IPO9: variants seen among roughly 807,000 people sequenced by gnomAD.
IPO9 encodes importin 9, also known as importin-9.
IPO9 carries 28 observed loss-of-function variants against 128.6 expected under a neutral mutation model. That is an observed-to-expected ratio of 0.22 (90% CI 0.16 to 0.30). The LOEUF is 0.30. IPO9 is among the 10% of genes least tolerant of loss of function. IPO9 has a pLI of 1.00. For synonymous variants in IPO9, 455 were observed against 475.8 expected, an observed-to-expected ratio of 0.96 and a Z score of 0.57; for missense variants, 935 against 1,293.9, an observed-to-expected ratio of 0.72 and a Z score of 4.26.
At chr1:201,858,667 CAG>C (rs1447805695) in intron 12 of IPO9, 114 bp downstream of exon 12, 11 of 823,428 alleles carry the variant, frequency 1.3e-5, no homozygotes, top group African/African-American at 5.2e-5. Flanking sequence ...AATTTAATAA[CAG>C]ATTTTAATCT....
Position 201,870,742 on chromosome 1 carries a change from C to T in IPO9, c.2293C>T (p.Arg765Cys). The T allele has an allele frequency of 6.2e-7, 1 of 1,614,164 alleles. No individual in the cohort carries two copies. Among genetic ancestry groups the T allele is most frequent in the Non-Finnish European group, 8.5e-7 (1 of 1,180,034 alleles). ...AGAGTTCACTGCGGCCTTTGTGGGC[C>T]GCCTTGTTTCCACCCTCATCTCCAA... is the stretch of plus-strand genomic sequence containing the variant. ...TSEFTAAFVG[R>C]LVSTLISKAG... is the part of the protein sequence containing the mutation. The change falls in exon 18 of 24, where the codon CGC (arginine) becomes TGC (cysteine). Residue 765 changes from arginine to cysteine, a missense_variant. By Grantham distance (180) the Arg-to-Cys change is radical. Transcript: ENST00000361565. The surrounding 1 kb of genome is among the most constrained non-coding windows in gnomAD (Gnocchi z 4.9).
In IPO9 at chr1:201,859,180, AATATAT is replaced by A. The variant is rs148348918; in HGVS notation, c.1468+208_1468+213del. On this transcript the variant is annotated intron_variant, in intron 13 of 23. Transcript: ENST00000361565. ...ACATGTACCCTAGAACTCAAAGTAT[AATATAT>A]ATATATATATATATATATATAAAGG... Among the ~76,000 whole-genome samples the A allele has an allele frequency of 7.2e-5, 6 of 83,454 alleles. 2 individuals carry two copies. The highest frequency in any genetic ancestry group is 2.4e-4 in the African/African-American group (6 of 25,010). The allele number at this position is 83,454 out of a possible 152,430, so 54.7% of individuals were successfully genotyped here.
rs766384550 is a variant in IPO9 at position 201,868,796 on chromosome 1, G to A, written c.2004G>A (p.Ala668=). 1.4e-5 allele frequency: 22 copies of A among 1,587,250 alleles called. 1 individual carries two copies. The highest frequency in any genetic ancestry group is 5.8e-5 in the African/African-American group (4 of 68,384). Residue 668 remains alanine, a splice_region_variant and synonymous_variant, in exon 16 of 24, where the codon GCG becomes GCA. Transcript: ENST00000361565. ...ACAAGATTCCTGCAGGGCTTTGTGC[G>A]GTAAGTGGCCGTGTGTGTGTGTGTG... ...PADKIPAGLC[A]TAIDILTTVV... is the part of the protein sequence containing the mutation.
chr1:201,875,013 G>A, intron 22 of IPO9, 77 bp downstream of exon 22: 1 of 1,369,742 alleles, frequency 7.3e-7, no homozygotes. Context: ...GGGTACCCAA[G>A]AAAGGGGAGA....
chr1:201,876,954 A>G lies in IPO9; in HGVS notation c.*900A>G, dbSNP rs1013138185. 3 of 152,652 alleles carry G rather than the reference A, an allele frequency of 2.0e-5. No homozygotes were observed. Among genetic ancestry groups the G allele is most frequent in the Non-Finnish European group, 4.4e-5 (3 of 68,042 alleles). 9.5% of individuals were successfully genotyped at this position (152,652 alleles called of 1,614,324 possible). ...TTTCTAGGACAGTAAAGTAATCTTT[A>G]CAAATGAATTTAGTTGCATGGTATA... On this transcript the variant is annotated 3_prime_UTR_variant, in exon 24 of 24. Coordinates refer to ENST00000361565, the MANE Select transcript of IPO9 (RefSeq NM_018085.5).
At chr1:201,875,839 G>A in intron 23 of IPO9, 105 bp from the exon 24 acceptor site, 2 of 740,766 alleles carry the variant, frequency 2.7e-6, no homozygotes, top group Non-Finnish European at 2.4e-6. Context: ...GCTGGCATTT[G>A]TCTAAAAACC....
intron 1 of IPO9, among the ~76,000 whole-genome samples, chr1:201,836,193 T>A (rs1393403687): frequency 6.7e-6 from 1 of 149,198 alleles, no homozygotes. Flanking sequence ...ACACACGTAC[T>A]TTTTTTTTAA....
chr1:201,865,298 T>C (rs570368640), intron 14 of IPO9, among the ~76,000 whole-genome samples: 17 of 149,066 alleles, frequency 1.1e-4, no homozygotes, highest in Non-Finnish European at 1.8e-4. Context: ...AACCTCTGCC[T>C]CCTGGGTTCA....
At chr1:201,840,116 G>GT (rs1680009668) in intron 1 of IPO9, among the ~76,000 whole-genome samples, 1 of 152,130 alleles carries the variant, frequency 6.6e-6, no homozygotes, top group South Asian at 2.1e-4. Flanking sequence ...TTGAGACAGC[G>GT]TGTCACTCTG....
At chr1:201,835,999 C>G (rs1312206391) in intron 1 of IPO9, among the ~76,000 whole-genome samples, 1 of 151,304 alleles carries the variant, frequency 6.6e-6, no homozygotes, top group Non-Finnish European at 1.5e-5. Flanking sequence ...GTAGTCCCAG[C>G]TATTCTGGAG....
At position 201,834,677 on chromosome 1, in the gene IPO9, T is replaced by C. The variant is rs533458566; in HGVS notation, c.163+5305T>C. ...TAGGACATTTTCTTCTTTGCTTATT[T>C]CTTTTTTGCCTATTACAAATGATGA... On this transcript the variant is annotated intron_variant, in intron 1 of 23. Coordinates refer to ENST00000361565, the MANE Select transcript of IPO9 (RefSeq NM_018085.5). Among the ~76,000 whole-genome samples, 12 of 152,340 alleles carry C rather than the reference T, an allele frequency of 7.9e-5. No individual in the cohort carries two copies. In the South Asian group the frequency reaches 2.5e-3, roughly 32 times the overall value.
intron 15 of IPO9, among the ~76,000 whole-genome samples, chr1:201,868,118 C>T (rs748086770): frequency 4.6e-5 from 7 of 152,142 alleles, no homozygotes; most frequent in Non-Finnish European, 8.8e-5. Flanking sequence ...GAAGATTGAG[C>T]TAAAGTTCCC....
Position 201,879,807 on chromosome 1 carries a change from G to A in IPO9, c.*3753G>A, listed in dbSNP as rs1356062750. On this transcript the variant is annotated 3_prime_UTR_variant, in exon 24 of 24. Coordinates refer to ENST00000361565, the MANE Select transcript of IPO9 (RefSeq NM_018085.5). The stretch of plus-strand genomic sequence containing the variant: ...TAATCCCAACACTTTGGGAGGCCTA[G>A]GTGGGTAAATCAGCTGAGATCAGGA... The A allele has an allele frequency of 6.6e-6, 1 of 152,230 alleles. No homozygotes were observed. The highest frequency in any genetic ancestry group is 1.9e-4 in the East Asian group (1 of 5,200). 9.4% of individuals were successfully genotyped at this position (152,230 alleles called of 1,614,324 possible).
rs1369163574 is a variant in IPO9 at position 201,838,307 on chromosome 1, T to G, written c.163+8935T>G. ...ATTGTGGATGCCCTTACTAGTTGTCTTTCTCCTTTAAATGGATTTCACATG... is the reference window on the plus strand; with the variant it reads ...ATTGTGGATGCCCTTACTAGTTGTCGTTCTCCTTTAAATGGATTTCACATG... On this transcript the variant is annotated intron_variant, in intron 1 of 23. Coordinates refer to ENST00000361565, the MANE Select transcript of IPO9 (RefSeq NM_018085.5). Among the ~76,000 whole-genome samples the G allele has an allele frequency of 3.3e-5, 5 of 152,340 alleles. No individual in the cohort carries two copies. The East Asian group carries it at 5.8e-4, about 18-fold the overall frequency.
intron 1 of IPO9, among the ~76,000 whole-genome samples, chr1:201,836,515 A>G (rs1679925348): frequency 6.6e-6 from 1 of 152,302 alleles, no homozygotes; most frequent in South Asian, 2.1e-4. Flanking sequence ...CCTCCTTAGT[A>G]GCTGGGACTA....
chr1:201,843,827 CAAAA>C (rs35870198), intron 1 of IPO9, among the ~76,000 whole-genome samples: 3 of 95,976 alleles, frequency 3.1e-5, no homozygotes, highest in Non-Finnish European at 2.1e-5. Flanking sequence ...GATTCTGTCT[CAAAA>C]AAAAAAAAAA....
chr1:201,864,400 G>A (rs1680511652), intron 14 of IPO9, among the ~76,000 whole-genome samples: 1 of 152,196 alleles, frequency 6.6e-6, no homozygotes, highest in Admixed American at 6.5e-5. Context: ...ATCATCTTAA[G>A]AGGCAAACTA....
intron 1 of IPO9, among the ~76,000 whole-genome samples, chr1:201,840,829 T>TA (rs576437838): frequency 1.3e-5 from 2 of 152,184 alleles, no homozygotes; most frequent in Admixed American, 6.5e-5. Context: ...AGGGAATATT[T>TA]AAAAAAATGT....
intron 15 of IPO9, among the ~76,000 whole-genome samples, chr1:201,867,368 C>G (rs572353840): frequency 3.9e-5 from 6 of 151,968 alleles, no homozygotes; most frequent in Non-Finnish European, 8.8e-5. Flanking sequence ...AAGGTATTCA[C>G]TAGATATTTT....
Sources: allele counts gnomAD v4.1 joint callset (sites outside exome capture counted in the v4.1 genomes callset), GRCh38; gene constraint gnomAD v4.1.1; non-coding constraint Gnocchi (gnomAD v3.1); transcripts MANE v1.5; gene names NCBI Gene and HGNC (gene_info 2026-07-23, HGNC 2026-07-21).